The following CTBP2 variants were observed in gnomAD, a reference collection of about 807,000 sequenced individuals.
The protein encoded by CTBP2 is C-terminal binding protein 2.
In CTBP2, 30 loss-of-function variants were observed where a neutral mutation model predicts 80.3. The ratio of observed to expected loss-of-function variants is 0.37; its 90% CI spans 0.28 to 0.51. The LOEUF (loss-of-function observed/expected upper bound fraction) is 0.51. Ranked by LOEUF, CTBP2 falls within the 20% of genes least tolerant of loss-of-function variation. CTBP2 has a pLI of 0.93. For missense variants in CTBP2, 1,212 were observed against 1,375.3 expected, an observed-to-expected ratio of 0.88 and a Z score of 1.88; for synonymous variants, 594 against 587.4, an observed-to-expected ratio of 1.01 and a Z score of -0.16.
At chr10:125,086,388 C>T (rs1847969888) in intron 2 of CTBP2, among the ~76,000 whole-genome samples, 1 of 152,012 alleles carries the variant, frequency 6.6e-6, no homozygotes, top group Non-Finnish European at 1.5e-5. Context: ...AAAAATTTGT[C>T]GAGCGTGGTA....
intron 6 of CTBP2, 72 bp downstream of exon 8, chr10:124,993,783 G>T: frequency 6.5e-7 from 1 of 1,532,672 alleles, no homozygotes; most frequent in Non-Finnish European, 8.8e-7. Flanking sequence ...AGGGCCTCGA[G>T]TTCAAAGTGT....
chr10:125,087,597 C>T (rs57643040), intron 2 of CTBP2, among the ~76,000 whole-genome samples: 3 of 152,212 alleles, frequency 2.0e-5, no homozygotes, highest in African/African-American at 7.2e-5. Flanking sequence ...TCACATGTCT[C>T]TCATCCCCCC....
chr10:125,103,642 A>C (rs1850988270), intron 2 of CTBP2, among the ~76,000 whole-genome samples: 1 of 152,152 alleles, frequency 6.6e-6, no homozygotes, highest in Non-Finnish European at 1.5e-5. Context: ...AGAAGAGACA[A>C]AGTGGCCTCG....
intron 1 of CTBP2, among the ~76,000 whole-genome samples, chr10:125,159,405 C>CCCGCCCGGCCCCCGCCCGCGCCCG (rs1225669504): frequency 6.9e-6 from 1 of 144,338 alleles, no homozygotes; most frequent in Non-Finnish European, 1.5e-5. Context: ...AAATGCCCGG[C>CCCGCCCGGCCCCCGCCCGCGCCCG]CCGCCCGGCC....
At chr10:125,137,481 C>T (rs1479902710) in intron 1 of CTBP2, among the ~76,000 whole-genome samples, 1 of 152,212 alleles carries the variant, frequency 6.6e-6, no homozygotes, top group Non-Finnish European at 1.5e-5. Context: ...AAGGCACCGA[C>T]TTTATCTTTT....
At chr10:125,040,807 T>A (rs1257634796) in intron 2 of CTBP2, among the ~76,000 whole-genome samples, 1 of 152,198 alleles carries the variant, frequency 6.6e-6, no homozygotes, top group African/African-American at 2.4e-5. Flanking sequence ...AACGGCTAAT[T>A]TCCCAGCAAC....
rs538887734 is a variant in CTBP2, at chr10:125,134,634, G to A, written c.-205-23541C>T. On this transcript the variant is annotated intron_variant, in intron 1 of 10. Transcript: ENST00000337195. ...CAGGCTGGCAGGCCCCTCCTTTTCT[G>A]CCCCCGCACCACAGCAGCCCCAGAC... 8.3e-4 allele frequency among the ~76,000 whole-genome samples: 127 copies of A among 152,236 alleles called. No homozygotes were observed. In the Middle Eastern group the frequency reaches 0.014, roughly 16 times the overall value.
At chr10:125,152,023 G>A (rs1331146380) in intron 1 of CTBP2, among the ~76,000 whole-genome samples, 1 of 152,256 alleles carries the variant, frequency 6.6e-6, no homozygotes, top group South Asian at 2.1e-4. Context: ...GGGGGGGCCC[G>A]GGGGTGTCAG....
chr10:125,014,930 C>T (rs575436310), intron 1 of CTBP2, among the ~76,000 whole-genome samples: 13 of 152,304 alleles, frequency 8.5e-5, no homozygotes, highest in African/African-American at 1.7e-4. Flanking sequence ...CACCTCCAAG[C>T]GAATAAAAAC....
chr10:125,051,293 C>G (rs1164705403), intron 2 of CTBP2, among the ~76,000 whole-genome samples: 2 of 152,152 alleles, frequency 1.3e-5, no homozygotes, highest in Non-Finnish European at 2.9e-5. Flanking sequence ...CCATAGTCAT[C>G]CAAGCCTGAA....
At chr10:125,140,730 G>C (rs1365131811) in intron 1 of CTBP2, among the ~76,000 whole-genome samples, 2 of 152,104 alleles carry the variant, frequency 1.3e-5, no homozygotes, top group African/African-American at 4.8e-5. Flanking sequence ...GGCTGAGGCA[G>C]GAAAATCACT....
chr10:125,087,454 AAAG>A (rs1168586945), intron 2 of CTBP2, among the ~76,000 whole-genome samples: 2 of 152,126 alleles, frequency 1.3e-5, no homozygotes, highest in African/African-American at 4.8e-5. Context: ...AGGTTATTAT[AAAG>A]AAGACATCCA....
intron 1 of CTBP2, among the ~76,000 whole-genome samples, chr10:125,156,346 C>T (rs1181620681): frequency 6.6e-6 from 1 of 152,184 alleles, no homozygotes; most frequent in Non-Finnish European, 1.5e-5. Context: ...ATGGAAATGA[C>T]AGTGGTAAAA....
chr10:125,055,019 T>G (rs561080169), intron 2 of CTBP2, among the ~76,000 whole-genome samples: 3 of 152,300 alleles, frequency 2.0e-5, no homozygotes, highest in African/African-American at 4.8e-5. Flanking sequence ...CCCTGGGGTC[T>G]CCACTCTGAC....
chr10:125,019,794 A>G (rs998936071), intron 1 of CTBP2, among the ~76,000 whole-genome samples: 1 of 152,236 alleles, frequency 6.6e-6, no homozygotes, highest in African/African-American at 2.4e-5. Context: ...GCAAATACGT[A>G]AGACTCCAAA....
At chr10:125,123,958 G>A (rs1854775689) in intron 1 of CTBP2, among the ~76,000 whole-genome samples, 1 of 152,234 alleles carries the variant, frequency 6.6e-6, no homozygotes, top group Non-Finnish European at 1.5e-5. Flanking sequence ...CTGGGCAAGT[G>A]CCTCTCTGGT....
At position 125,127,713 on chromosome 10, in the gene CTBP2, T is replaced by C. The variant is rs190375396; in HGVS notation, c.-205-16620A>G. On this transcript the variant is annotated intron_variant, in intron 1 of 10. Transcript: ENST00000337195. ...GCCCATGGTTGGTGGTAGAGCACTT[T>C]ACAGCCATCACTATGCCCTATACGC... 1.9e-3 allele frequency among the ~76,000 whole-genome samples: 291 copies of C among 152,298 alleles called. 2 individuals are homozygous for C. Among genetic ancestry groups the C allele is most frequent in the African/African-American group, 6.4e-3 (264 of 41,552 alleles).
At chr10:125,149,625 A>ATACACATGTGCTCACAAGTG (rs1859456937) in intron 1 of CTBP2, among the ~76,000 whole-genome samples, 1 of 152,364 alleles carries the variant, frequency 6.6e-6, no homozygotes, top group East Asian at 1.9e-4. Flanking sequence ...GATTTCCAGA[A>ATACACATGTGCTCACAAGTG]TACACATGTG....
intron 1 of CTBP2, among the ~76,000 whole-genome samples, chr10:125,156,084 G>GCC (rs1391638398): frequency 2.0e-5 from 3 of 152,078 alleles, no homozygotes; most frequent in Admixed American, 6.5e-5. Context: ...CAGACACACT[G>GCC]CCCTCCCATT....
Sources: gnomAD v4.1 joint callset for allele counts (sites outside exome capture counted in the v4.1 genomes callset) on GRCh38, gnomAD v4.1.1 for gene constraint, MANE v1.5 for transcripts, NCBI Gene and HGNC (gene_info 2026-07-23, HGNC 2026-07-21) for gene names.